CDH13: variants seen among roughly 807,000 people sequenced by gnomAD.
CDH13 encodes the protein cadherin-13.
In CDH13, 24 loss-of-function variants were observed where a neutral mutation model predicts 63.8. That is an observed-to-expected ratio of 0.38 (90% confidence interval 0.27 to 0.53). The LOEUF (loss-of-function observed/expected upper bound fraction) is 0.53, where lower values mean the gene tolerates loss of function less well. CDH13 is among the 20% of genes least tolerant of loss of function. The pLI, the probability that CDH13 is intolerant of heterozygous loss-of-function variation, is 0.85. For missense variants in CDH13, 1,049 were observed against 903.1 expected (o/e 1.16, Z -2.07); for synonymous variants, 503 against 355.3 (o/e 1.42, Z -4.67).
chr16:83,647,652 A>G (rs546316737), intron 8 of CDH13, among the ~76,000 whole-genome samples: 4 of 152,288 alleles, frequency 2.6e-5, no homozygotes, highest in African/African-American at 9.6e-5. Flanking sequence ...AAATTGACAG[A>G]TTTTTCCATA....
chr16:83,565,025 C>G (rs1000896001), intron 7 of CDH13, among the ~76,000 whole-genome samples: 1 of 152,210 alleles, frequency 6.6e-6, no homozygotes, highest in Non-Finnish European at 1.5e-5. Context: ...GAGGCAACTT[C>G]TCATTTTATC....
intron 6 of CDH13, among the ~76,000 whole-genome samples, chr16:83,432,317 C>G (rs1162905625): frequency 6.6e-6 from 1 of 152,126 alleles, no homozygotes; most frequent in Non-Finnish European, 1.5e-5. Flanking sequence ...TAGTGCTGTG[C>G]CAGGCACAGA....
At chr16:83,677,642 G>A (rs537137391) in intron 9 of CDH13, among the ~76,000 whole-genome samples, 2 of 152,284 alleles carry the variant, frequency 1.3e-5, no homozygotes, top group East Asian at 3.9e-4. Flanking sequence ...TTAACTTCAT[G>A]GCAAGTGAGT....
chr16:83,288,315 G>T (rs1350344909), intron 5 of CDH13, among the ~76,000 whole-genome samples: 5 of 152,158 alleles, frequency 3.3e-5, no homozygotes, highest in African/African-American at 9.7e-5. Context: ...CAACAATCTT[G>T]TTCCATGGTG....
intron 2 of CDH13, among the ~76,000 whole-genome samples, chr16:82,926,525 C>T (rs1748032894): frequency 6.6e-6 from 1 of 152,196 alleles, no homozygotes; most frequent in Admixed American, 6.5e-5. Context: ...CTTCCCTCTG[C>T]TCTGAAGCTC....
rs923604135 is a variant in CDH13, at chr16:83,077,481, T to C, written c.366+45263T>C. On this transcript the variant is annotated intron_variant, in intron 3 of 13. Transcript: ENST00000567109. ...GTGCTGGGATTACAGGTGTGAGCCATCACACCTGGCCAGCATAAGATTTTT... is the reference window on the plus strand; with the variant it reads ...GTGCTGGGATTACAGGTGTGAGCCACCACACCTGGCCAGCATAAGATTTTT... Among the ~76,000 whole-genome samples, 5 of 152,036 alleles carry C rather than the reference T, an allele frequency of 3.3e-5. No individual in the cohort carries two copies. In the East Asian group the frequency reaches 9.7e-4, roughly 29 times the overall value.
intron 8 of CDH13, among the ~76,000 whole-genome samples, chr16:83,647,417 G>A (rs9934008): frequency 5.3e-5 from 8 of 151,708 alleles, no homozygotes; most frequent in African/African-American, 1.9e-4. Context: ...TTTCTGTTTT[G>A]TTTGTGAAAG....
chr16:83,427,681 A>G (rs542563780), intron 6 of CDH13, among the ~76,000 whole-genome samples: 33 of 151,882 alleles, frequency 2.2e-4, no homozygotes, highest in Non-Finnish European at 3.1e-4. Context: ...TTGTGCCTTC[A>G]GGATTCTCCT....
Position 82,704,935 on chromosome 16 carries a change from A to T in CDH13, c.45+77798A>T, listed in dbSNP as rs978583558. The T allele has an allele frequency of 8.9e-6, 3 of 338,362 alleles. No individual in the cohort carries two copies. The East Asian group carries it at 2.3e-4, about 26-fold the overall frequency. 21.0% of individuals were successfully genotyped at this position (338,362 alleles called of 1,614,324 possible). On this transcript the variant is annotated intron_variant, in intron 1 of 13. Coordinates refer to ENST00000567109, the MANE Select transcript of CDH13 (RefSeq NM_001257.5). ...TTAATTGTAACAAATCAAGCCCGGG[A>T]TATTGACAGACACCTAAGGCAGACT...
chr16:83,111,387 G>A (rs528166510), intron 3 of CDH13, among the ~76,000 whole-genome samples: 15 of 152,250 alleles, frequency 9.9e-5, no homozygotes, highest in African/African-American at 3.6e-4. Context: ...GACTTCCTGG[G>A]AGAGGTGACA....
intron 1 of CDH13, among the ~76,000 whole-genome samples, chr16:82,710,552 A>AAAAAAAAAAT (rs60196638): frequency 1.6e-5 from 1 of 63,768 alleles, no homozygotes; most frequent in African/African-American, 5.8e-5. Flanking sequence ...AAAAAAAAAA[A>AAAAAAAAAAT]ATATATATAT....
intron 11 of CDH13, among the ~76,000 whole-genome samples, chr16:83,752,442 A>G (rs935327761): frequency 6.6e-6 from 1 of 152,266 alleles, no homozygotes; most frequent in Non-Finnish European, 1.5e-5. Flanking sequence ...TAAAAGTCGT[A>G]TCATTAGGAT....
chr16:83,268,143 C>T (rs1003667921), intron 5 of CDH13, among the ~76,000 whole-genome samples: 2 of 152,166 alleles, frequency 1.3e-5, no homozygotes, highest in African/African-American at 4.8e-5. Flanking sequence ...CCAGAGTAAA[C>T]CCCTGATCAT....
At chr16:83,201,880 A>C (rs2039043010) in intron 4 of CDH13, among the ~76,000 whole-genome samples, 1 of 152,066 alleles carries the variant, frequency 6.6e-6, no homozygotes, top group Admixed American at 6.6e-5. Flanking sequence ...ACGCAACTGC[A>C]CTCCAGCCTA....
At chr16:83,777,360 G>A (rs916924436) in intron 11 of CDH13, among the ~76,000 whole-genome samples, 6 of 152,172 alleles carry the variant, frequency 3.9e-5, no homozygotes, top group African/African-American at 1.4e-4. Flanking sequence ...GCTCCACCAC[G>A]GCACCCCATG....
chr16:83,446,269 C>G (rs971363835), intron 6 of CDH13, among the ~76,000 whole-genome samples: 1 of 149,000 alleles, frequency 6.7e-6, no homozygotes, highest in Non-Finnish European at 1.5e-5. Context: ...TGCCACTGCA[C>G]TCCAGCCTGG....
intron 6 of CDH13, among the ~76,000 whole-genome samples, chr16:83,360,471 C>CT (rs200858405): frequency 0.02 from 2,837 of 144,482 alleles, 70 homozygotes; most frequent in African/African-American, 0.067. Flanking sequence ...TAATCTCAAC[C>CT]TTTTTTTTTT....
intron 6 of CDH13, among the ~76,000 whole-genome samples, chr16:83,362,621 A>C (rs758786901): frequency 4.7e-4 from 71 of 152,186 alleles, no homozygotes; most frequent in Non-Finnish European, 7.8e-4. Context: ...GAAGCTCAGA[A>C]AGGTCAACAC....
intron 5 of CDH13, among the ~76,000 whole-genome samples, chr16:83,299,577 A>T (rs147178442): frequency 3.3e-4 from 50 of 152,322 alleles, no homozygotes; most frequent in African/African-American, 1.1e-3. Context: ...AAGTGTATTG[A>T]GTACCTCCTC....
Sources: allele counts gnomAD v4.1 joint callset (sites outside exome capture counted in the v4.1 genomes callset), GRCh38; gene constraint gnomAD v4.1.1; transcripts MANE v1.5; gene names NCBI Gene and HGNC (gene_info 2026-07-23, HGNC 2026-07-21).